Variants in PRIM2 observed in about 807,000 individuals in gnomAD.
PRIM2 encodes the protein DNA primase subunit 2.
In PRIM2, 39 loss-of-function variants were observed where a neutral mutation model predicts 67.3. The ratio of observed to expected loss-of-function variants is 0.58; its 90% CI spans 0.45 to 0.76. The LOEUF is 0.76. Ranked by LOEUF, PRIM2 falls within the 30% of genes least tolerant of loss-of-function variation. The pLI, the probability that PRIM2 is intolerant of heterozygous loss-of-function variation, is 0.00. For missense variants in PRIM2, 398 were observed against 598.7 expected, an observed-to-expected ratio of 0.66 and a Z score of 3.50; for synonymous variants, 143 against 198.7, an observed-to-expected ratio of 0.72 and a Z score of 2.36.
At chr6:57,455,429 T>C (rs1304342349) in intron 7 of PRIM2, among the ~76,000 whole-genome samples, 2 of 152,188 alleles carry the variant, frequency 1.3e-5, no homozygotes, top group East Asian at 3.9e-4. Flanking sequence ...CTAAGTCTCT[T>C]TGTAGGTCTC....
chr6:57,573,831 G>A (rs1324702666), intron 10 of PRIM2, among the ~76,000 whole-genome samples: 77 of 152,294 alleles, frequency 5.1e-4, no homozygotes, highest in African/African-American at 1.7e-3. Flanking sequence ...TAGAGTTTCC[G>A]CGTAGTTGGT....
intron 7 of PRIM2, among the ~76,000 whole-genome samples, chr6:57,500,628 A>G (rs1774111975): frequency 6.6e-6 from 1 of 152,338 alleles, no homozygotes; most frequent in Admixed American, 6.5e-5. Context: ...GGCTTAATGC[A>G]TACTTACAAT....
intron 7 of PRIM2, among the ~76,000 whole-genome samples, chr6:57,460,895 A>G (rs1055693552): frequency 3.3e-5 from 5 of 152,346 alleles, no homozygotes; most frequent in African/African-American, 9.6e-5. Flanking sequence ...ACGGTTCATA[A>G]TATTGAGTGA....
At chr6:57,600,204 T>G (rs2127491201) in intron 10 of PRIM2, among the ~76,000 whole-genome samples, 1 of 152,304 alleles carries the variant, frequency 6.6e-6, no homozygotes, top group East Asian at 1.9e-4. Flanking sequence ...TCTGACTCAA[T>G]TCAAAGTCCC....
intron 7 of PRIM2, among the ~76,000 whole-genome samples, chr6:57,385,900 C>A (rs1770129152): frequency 6.6e-6 from 1 of 151,102 alleles, no homozygotes; most frequent in Non-Finnish European, 1.5e-5. Context: ...CAAAATTTAT[C>A]CATTCTATTG....
At chr6:57,548,051 G>A (rs1332924314) in intron 10 of PRIM2, among the ~76,000 whole-genome samples, 1 of 152,196 alleles carries the variant, frequency 6.6e-6, no homozygotes, top group Non-Finnish European at 1.5e-5. Flanking sequence ...AGATGAAATT[G>A]ATGCACACTA....
intron 5 of PRIM2, among the ~76,000 whole-genome samples, chr6:57,354,009 G>A (rs1768943293): frequency 6.6e-6 from 1 of 152,142 alleles, no homozygotes; most frequent in Non-Finnish European, 1.5e-5. Flanking sequence ...AGCTTGGTGT[G>A]TTGTAATGGC....
chr6:57,295,716 C>T, the PRIM2 span, among the ~76,000 whole-genome samples: 3 of 152,160 alleles, frequency 2.0e-5, no homozygotes, highest in East Asian at 1.9e-4. Context: ...CTACCAATTG[C>T]CTGATGCTTA....
chr6:57,224,948 C>G, the PRIM2 span, among the ~76,000 whole-genome samples: 4 of 152,224 alleles, frequency 2.6e-5, no homozygotes, highest in African/African-American at 4.8e-5. Flanking sequence ...CTCCCCATCC[C>G]ACACTAGGAG....
chr6:57,629,086 A>G (rs1199899805), intron 12 of PRIM2, among the ~76,000 whole-genome samples: 27,368 of 152,104 alleles, frequency 0.18, 2,588 homozygotes, highest in African/African-American at 0.24. Context: ...TAGTATCAAC[A>G]TCAAAATAGA....
chr6:57,245,795 G>A, the PRIM2 span, among the ~76,000 whole-genome samples: 1 of 152,236 alleles, frequency 6.6e-6, no homozygotes, highest in Admixed American at 6.5e-5. Context: ...GAGGTGGAGG[G>A]AGTGGTCTTG....
the PRIM2 span, among the ~76,000 whole-genome samples, chr6:57,273,564 T>G: frequency 6.6e-6 from 1 of 152,234 alleles, no homozygotes; most frequent in Non-Finnish European, 1.5e-5. Flanking sequence ...TCTTTGCCAT[T>G]GGTTCAAACT....
At chr6:57,436,878 C>A (rs1434950167) in intron 7 of PRIM2, among the ~76,000 whole-genome samples, 1 of 152,172 alleles carries the variant, frequency 6.6e-6, no homozygotes, top group East Asian at 1.9e-4. Flanking sequence ...AAGATTCTCT[C>A]TTTCTTGTCA....
the PRIM2 span, among the ~76,000 whole-genome samples, chr6:57,285,344 C>T: frequency 6.6e-6 from 1 of 152,190 alleles, no homozygotes; most frequent in Non-Finnish European, 1.5e-5. Context: ...GGCCAGTATT[C>T]CAGATGAACA....
intron 7 of PRIM2, among the ~76,000 whole-genome samples, chr6:57,390,991 A>G (rs1386461523): frequency 2.0e-5 from 3 of 152,108 alleles, no homozygotes; most frequent in African/African-American, 7.2e-5. Flanking sequence ...GAACTAATTT[A>G]CACTCCCTCC....
chr6:57,464,037 T>C (rs1282639150), intron 7 of PRIM2, among the ~76,000 whole-genome samples: 2 of 152,180 alleles, frequency 1.3e-5, no homozygotes, highest in Non-Finnish European at 2.9e-5. Flanking sequence ...TCGAATGCTG[T>C]TTGTTGTGGC....
At chr6:57,308,084 T>C in the PRIM2 span, among the ~76,000 whole-genome samples, 8 of 152,218 alleles carry the variant, frequency 5.3e-5, no homozygotes, top group Non-Finnish European at 7.3e-5. Context: ...AAAAATTCCA[T>C]TGTATGAATA....
chr6:57,228,174 T>C, the PRIM2 span, among the ~76,000 whole-genome samples: 279 of 152,338 alleles, frequency 1.8e-3, no homozygotes, highest in Non-Finnish European at 3.2e-3. Context: ...CAGATGGTGA[T>C]AAATAAAAAT....
rs1487797164 is a variant in PRIM2, at chr6:57,507,803, G to C, written c.761+349G>C. On this transcript the variant is annotated intron_variant, in intron 8 of 13. Coordinates refer to ENST00000615550, the MANE Select transcript of PRIM2 (RefSeq NM_000947.5). ...TTTATTGAGGATAGATGAGTTAGAT[G>C]GAGTTTGTTTCTAAATACAAAAATA... Among the ~76,000 whole-genome samples the C allele has an allele frequency of 1.1e-4, 16 of 151,762 alleles. No homozygotes were observed. The East Asian group carries it at 3.1e-3, about 30-fold the overall frequency.
Sources: gnomAD v4.1 joint callset for allele counts (sites outside exome capture counted in the v4.1 genomes callset) on GRCh38, gnomAD v4.1.1 for gene constraint, MANE v1.5 for transcripts, NCBI Gene and HGNC (gene_info 2026-07-23, HGNC 2026-07-21) for gene names.